The following PIK3C2G variants were observed in gnomAD, a reference collection of about 807,000 sequenced individuals.
PIK3C2G encodes phosphatidylinositol 3-kinase C2 domain-containing subunit gamma.
In PIK3C2G, 168 loss-of-function variants were observed where a neutral mutation model predicts 181.1. That is an observed-to-expected ratio of 0.93 (90% CI 0.82 to 1.05). PIK3C2G has a LOEUF of 1.05. PIK3C2G is among the 50% of genes least tolerant of loss of function. The pLI, the probability that PIK3C2G is intolerant of heterozygous loss-of-function variation, is 0.00. For synonymous variants in PIK3C2G, 573 were observed against 592.2 expected (o/e 0.97, Z 0.47); for missense variants, 1,869 against 1,732.8 (o/e 1.08, Z -1.40).
chr12:18,531,319 T>G (rs1225214437), intron 24 of PIK3C2G, among the ~76,000 whole-genome samples: 4 of 152,178 alleles, frequency 2.6e-5, no homozygotes, highest in Non-Finnish European at 5.9e-5. Flanking sequence ...CTTTTTATTT[T>G]GAGATAATTG....
At chr12:18,650,674 G>A (rs1462620212), downstream of PIK3C2G, among the ~76,000 whole-genome samples, 74 of 30,690 alleles carry the variant, frequency 2.4e-3, no homozygotes, top group Admixed American at 3.1e-3. Flanking sequence ...ATGTGTGTGT[G>A]TGTGTGTGTG....
chr12:18,566,775 G>T (rs902623705), intron 28 of PIK3C2G, among the ~76,000 whole-genome samples, 174 bp from the exon 29 acceptor site: 8 of 152,096 alleles, frequency 5.3e-5, no homozygotes, highest in Non-Finnish European at 1.0e-4. Flanking sequence ...AATATGGCAT[G>T]AATGACCACA....
chr12:18,282,030 T>C lies in PIK3C2G; in HGVS notation c.-52T>C, dbSNP rs1949241804. ...AAAATTTCTATCTTCTTTTGTATTA[T>C]CAAGGAGATATTTGGAGCAGAGTCA... On this transcript the variant is annotated 5_prime_UTR_variant, in exon 2 of 33. Coordinates refer to ENST00000538779, the MANE Select transcript of PIK3C2G (RefSeq NM_001288772.2). The C allele has an allele frequency of 2.9e-6, 3 of 1,018,810 alleles. No homozygotes were observed. Among genetic ancestry groups the C allele is most frequent in the Admixed American group, 5.1e-5 (2 of 39,196 alleles). The allele number at this position is 1,018,810 out of a possible 1,614,324, so 63.1% of individuals were successfully genotyped here.
chr12:18,436,118 A>G, intron 18 of PIK3C2G, among the ~76,000 whole-genome samples: 1 of 151,940 alleles, frequency 6.6e-6, no homozygotes, highest in Admixed American at 6.6e-5. Flanking sequence ...ATTTCTTTCC[A>G]CCTTTCTGCT....
At chr12:18,484,103 T>G (rs140047192) in intron 18 of PIK3C2G, among the ~76,000 whole-genome samples, 1 of 152,270 alleles carries the variant, frequency 6.6e-6, no homozygotes, top group African/African-American at 2.4e-5. Flanking sequence ...TCACATTCTG[T>G]TGACCAAAGC....
intron 2 of PIK3C2G, among the ~76,000 whole-genome samples, chr12:18,284,254 T>C (rs1473777859): frequency 1.3e-5 from 2 of 152,116 alleles, no homozygotes; most frequent in Admixed American, 6.6e-5. Context: ...AGCTGAGCGC[T>C]TCAGGCATTC....
intron 24 of PIK3C2G, among the ~76,000 whole-genome samples, chr12:18,534,242 G>T (rs1386709778): frequency 6.6e-6 from 1 of 151,926 alleles, no homozygotes; most frequent in Admixed American, 6.6e-5. Flanking sequence ...GAGCCACCAT[G>T]CCCAGCCTCT....
chr12:18,700,037 C>G, the PIK3C2G span: 15 of 1,091,446 alleles, frequency 1.4e-5, no homozygotes, highest in Non-Finnish European at 1.8e-5. Context: ...CACTTTCAAA[C>G]AAATGATTTT....
the PIK3C2G span, among the ~76,000 whole-genome samples, chr12:18,653,670 A>G: frequency 1.3e-5 from 2 of 152,290 alleles, no homozygotes; most frequent in South Asian, 4.1e-4. Flanking sequence ...ATGTTTATAT[A>G]CTTAAGTCAC....
At chr12:18,306,971 A>G (rs1042722083) in intron 5 of PIK3C2G, among the ~76,000 whole-genome samples, 1 of 151,434 alleles carries the variant, frequency 6.6e-6, no homozygotes, top group Non-Finnish European at 1.5e-5. Context: ...ATATAAAACA[A>G]GCGTAAGTAT....
chr12:18,581,151 T>C (rs1385855493), intron 29 of PIK3C2G, among the ~76,000 whole-genome samples: 3 of 152,252 alleles, frequency 2.0e-5, no homozygotes, highest in African/African-American at 7.2e-5. Context: ...AATGACAACA[T>C]AATTGGCAAA....
chr12:18,346,563 C>A, intron 10 of PIK3C2G, 78 bp from the exon 11 acceptor site: 1 of 770,160 alleles, frequency 1.3e-6, no homozygotes, highest in Non-Finnish European at 2.1e-6. Context: ...TATTATATGA[C>A]ATTTCAAAGC....
chr12:18,395,537 A>G (rs1943829488), intron 15 of PIK3C2G, among the ~76,000 whole-genome samples: 1 of 148,408 alleles, frequency 6.7e-6, no homozygotes, highest in South Asian at 2.2e-4. Context: ...AAGCTGGAAG[A>G]AAATCATACT....
At chr12:18,427,975 C>T (rs768294445) in intron 18 of PIK3C2G, among the ~76,000 whole-genome samples, 6 of 151,994 alleles carry the variant, frequency 3.9e-5, no homozygotes, top group Non-Finnish European at 8.8e-5. Context: ...AGGTTTGTTA[C>T]ATAGGTAAAC....
At chr12:18,480,572 CTAGT>C (rs1272633082) in intron 18 of PIK3C2G, among the ~76,000 whole-genome samples, 2 of 152,066 alleles carry the variant, frequency 1.3e-5, no homozygotes, top group African/African-American at 4.8e-5. Flanking sequence ...AAATTGAGGA[CTAGT>C]TAAAACAAGA....
At chr12:18,352,415 A>G (rs1253170264) in intron 11 of PIK3C2G, among the ~76,000 whole-genome samples, 1 of 152,050 alleles carries the variant, frequency 6.6e-6, no homozygotes, top group Non-Finnish European at 1.5e-5. Context: ...ATGGGAGGGG[A>G]GGACATACAG....
intron 1 of PIK3C2G, among the ~76,000 whole-genome samples, chr12:18,263,206 C>T (rs1282075657): frequency 6.6e-6 from 1 of 151,944 alleles, no homozygotes; most frequent in Admixed American, 6.6e-5. Flanking sequence ...TGGTTTTTCA[C>T]TGTGCAAGTT....
the PIK3C2G span, chr12:18,712,957 T>G: frequency 1.2e-6 from 2 of 1,613,892 alleles, no homozygotes; most frequent in Non-Finnish European, 1.7e-6. Flanking sequence ...GCAGTCAATC[T>G]CCAAACAACG....
At chr12:18,367,602 T>C (rs1318474451) in intron 12 of PIK3C2G, among the ~76,000 whole-genome samples, 1 of 152,184 alleles carries the variant, frequency 6.6e-6, no homozygotes, top group African/African-American at 2.4e-5. Context: ...TTGCCCAGGC[T>C]AGAGTGCAAT....
Sources: allele counts gnomAD v4.1 joint callset (sites outside exome capture counted in the v4.1 genomes callset), GRCh38; gene constraint gnomAD v4.1.1; transcripts MANE v1.5; gene names NCBI Gene and HGNC (gene_info 2026-07-23, HGNC 2026-07-21).